NCKAP5: variants seen among roughly 807,000 people sequenced by gnomAD.
NCKAP5 encodes NCK associated protein 5.
NCKAP5 carries 92 observed loss-of-function variants against 167.0 expected under a neutral mutation model. The observed-to-expected ratio is 0.55, with a 90% CI of 0.47 to 0.66. The LOEUF (loss-of-function observed/expected upper bound fraction) is 0.66. Ranked by LOEUF, NCKAP5 falls within the 30% of genes least tolerant of loss-of-function variation. The probability of loss-of-function intolerance (pLI) is 0.00; values close to 1 mark genes in which losing one functional copy is unlikely to be tolerated. For synonymous variants in NCKAP5, 891 were observed against 877.4 expected (o/e 1.02, Z -0.27); for missense variants, 2,378 against 2,315.0 (o/e 1.03, Z -0.56).
chr2:132,904,611 C>G (rs1475612305), intron 8 of NCKAP5, among the ~76,000 whole-genome samples: 3 of 152,132 alleles, frequency 2.0e-5, no homozygotes, highest in Non-Finnish European at 4.4e-5. Context: ...AAGGCTATAT[C>G]AAATTTCACT....
intron 2 of NCKAP5, 88 bp from the exon 3 acceptor site, chr2:133,517,675 AGTC>A: frequency 2.3e-6 from 1 of 436,638 alleles, no homozygotes; most frequent in Non-Finnish European, 4.0e-6. Context: ...CAAGCATTGA[AGTC>A]AAAAAATACC....
Position 133,009,383 on chromosome 2 carries a change from T to C in NCKAP5, c.342-15144A>G, listed in dbSNP as rs528367330. ...CCCACATCGCACAGTTGGTTAACTG[T>C]TTATCTTGTGTAGATGGAAATTCCC... On this transcript the variant is annotated intron_variant, in intron 6 of 19. Transcript: ENST00000409261. Among the ~76,000 whole-genome samples the C allele has an allele frequency of 1.3e-3, 196 of 152,224 alleles. 3 individuals are homozygous for C. Among genetic ancestry groups the C allele is most frequent in the Middle Eastern group, 0.01 (3 of 294 alleles).
At chr2:133,068,192 T>C (rs2080264760) in intron 6 of NCKAP5, among the ~76,000 whole-genome samples, 2 of 152,108 alleles carry the variant, frequency 1.3e-5, no homozygotes, top group Non-Finnish European at 2.9e-5. Flanking sequence ...ATGCTGATGG[T>C]GGGGCTTAGG....
chr2:133,021,383 G>GA (rs1379958922), intron 6 of NCKAP5, among the ~76,000 whole-genome samples: 1 of 152,036 alleles, frequency 6.6e-6, no homozygotes, highest in South Asian at 2.1e-4. Flanking sequence ...AGTGGAATGG[G>GA]AAAAAATAGA....
At chr2:133,083,620 G>A (rs183002652) in intron 6 of NCKAP5, among the ~76,000 whole-genome samples, 29 of 152,312 alleles carry the variant, frequency 1.9e-4, no homozygotes, top group African/African-American at 6.7e-4. Flanking sequence ...GAAGTTATCA[G>A]GGTGGTGGTA....
In NCKAP5 at chr2:133,330,053, CTTTTTTTTTTTTTTTTT is replaced by C. The variant is rs1165568563; in HGVS notation, c.70-26960_70-26944del. On this transcript the variant is annotated intron_variant, in intron 3 of 19. Transcript: ENST00000409261. The stretch of plus-strand genomic sequence containing the variant: ...GGGAATGTGGCCAAGAAAGCAAGAC[CTTTTTTTTTTTTTTTTT>C]TTTTTTTTTTTTCTGAGACAGGGTC... Among the ~76,000 whole-genome samples the C allele has an allele frequency of 5.8e-5, 5 of 85,704 alleles. No individual in the cohort carries two copies. The Admixed American group carries it at 6.5e-4, about 11-fold the overall frequency. The allele number at this position is 85,704 out of a possible 152,430, so 56.2% of individuals were successfully genotyped here. A position where few individuals can be genotyped will look rare whatever the true frequency, so the allele number is the denominator to read the frequency against.
chr2:133,123,902 T>G lies in NCKAP5; in HGVS notation c.341+6076A>C, dbSNP rs1408772253. The G allele has an allele frequency of 9.4e-6, 4 of 425,446 alleles. No homozygotes were observed. The East Asian group carries it at 2.9e-4, about 31-fold the overall frequency. 26.4% of individuals were successfully genotyped at this position (425,446 alleles called of 1,614,324 possible). On this transcript the variant is annotated intron_variant, in intron 6 of 19. Coordinates refer to ENST00000409261, the MANE Select transcript of NCKAP5 (RefSeq NM_207363.3). ...GCATATTATCCTCTTCAACACACAC[T>G]TCTATGCCAGGTGCCTACAGTTTCC...
intron 19 of NCKAP5, among the ~76,000 whole-genome samples, chr2:132,677,784 G>T (rs769746572): frequency 2.7e-4 from 41 of 152,012 alleles, no homozygotes; most frequent in Non-Finnish European, 5.0e-4. Flanking sequence ...ACTCATGAAA[G>T]TATCAGCCCG....
At chr2:132,958,840 C>T (rs978402151) in intron 8 of NCKAP5, among the ~76,000 whole-genome samples, 2 of 152,010 alleles carry the variant, frequency 1.3e-5, no homozygotes, top group African/African-American at 4.8e-5. Flanking sequence ...CTACCCCTAG[C>T]TCACATTCTC....
At chr2:132,909,912 A>C (rs934928344) in intron 8 of NCKAP5, among the ~76,000 whole-genome samples, 9 of 152,196 alleles carry the variant, frequency 5.9e-5, no homozygotes, top group African/African-American at 1.9e-4. Flanking sequence ...GACTTGCTAA[A>C]TGCTTAAAGA....
chr2:133,554,336 G>A (rs557588517), intron 2 of NCKAP5: 1 of 152,318 alleles, frequency 6.6e-6, no homozygotes, highest in African/African-American at 2.4e-5. Flanking sequence ...CACTTGGGGA[G>A]GGAATCGTAC....
At chr2:133,290,007 C>G (rs1473846771) in intron 4 of NCKAP5, among the ~76,000 whole-genome samples, 1 of 152,194 alleles carries the variant, frequency 6.6e-6, no homozygotes, top group African/African-American at 2.4e-5. Context: ...CCAGTCACCT[C>G]CCACTGGGCC....
intron 3 of NCKAP5, chr2:133,431,525 C>T (rs1208662862): frequency 1.3e-5 from 2 of 152,142 alleles, no homozygotes; most frequent in African/African-American, 2.4e-5. Flanking sequence ...TTGGAGAAAA[C>T]ATTCCGAAGT....
intron 4 of NCKAP5, among the ~76,000 whole-genome samples, chr2:133,252,879 GCCATTTACAAAAGCAAGCCACAAC>G (rs1416950042): frequency 6.6e-6 from 1 of 152,194 alleles, no homozygotes; most frequent in Non-Finnish European, 1.5e-5. Flanking sequence ...TGCTGAAGCA[GCCATTTACAAAAGCAAGCCACAAC>G]CCTTTACCAT....
chr2:133,163,745 A>C (rs6430397), intron 5 of NCKAP5, among the ~76,000 whole-genome samples: 21,027 of 151,514 alleles, frequency 0.14, 1,680 homozygotes, highest in East Asian at 0.38. Context: ...ATTCTCATTT[A>C]AAAGGAATTT....
At chr2:132,699,098 A>T (rs1172041546) in intron 19 of NCKAP5, among the ~76,000 whole-genome samples, 1 of 152,104 alleles carries the variant, frequency 6.6e-6, no homozygotes, top group Non-Finnish European at 1.5e-5. Context: ...TACAGAAGAA[A>T]CTGAAGCACA....
At chr2:133,528,046 C>A (rs1022099431) in intron 2 of NCKAP5, among the ~76,000 whole-genome samples, 1 of 152,078 alleles carries the variant, frequency 6.6e-6, no homozygotes, top group South Asian at 2.1e-4. Context: ...GCCTGGGTGA[C>A]AGTAAGTCCC....
intron 15 of NCKAP5, among the ~76,000 whole-genome samples, chr2:132,776,044 G>A (rs1682517878): frequency 1.3e-5 from 2 of 152,058 alleles, no homozygotes; most frequent in Admixed American, 6.6e-5. Flanking sequence ...CTTCAGAGAG[G>A]GTTAATAATT....
At chr2:132,818,130 T>G (rs539522258) in intron 11 of NCKAP5, among the ~76,000 whole-genome samples, 1 of 152,242 alleles carries the variant, frequency 6.6e-6, no homozygotes, top group African/African-American at 2.4e-5. Flanking sequence ...GTGTTTTTTG[T>G]AGAGATGCGG....
Sources: allele counts gnomAD v4.1 joint callset (sites outside exome capture counted in the v4.1 genomes callset), GRCh38; gene constraint gnomAD v4.1.1; transcripts MANE v1.5; gene names NCBI Gene and HGNC (gene_info 2026-07-23, HGNC 2026-07-21).